PPM1L: variants seen among roughly 807,000 people sequenced by gnomAD.
PPM1L encodes the protein protein phosphatase, Mg2+/Mn2+ dependent 1L, also known as protein phosphatase 1L.
PPM1L carries 13 observed loss-of-function variants against 31.4 expected under a neutral mutation model. That is an observed-to-expected ratio of 0.41 (90% CI 0.27 to 0.66). PPM1L has a LOEUF of 0.66. Among genes scored for constraint, PPM1L ranks in the 30% least tolerant of loss-of-function variants. PPM1L has a pLI of 0.29. For synonymous variants in PPM1L, 184 were observed against 175.4 expected (o/e 1.05, Z -0.39); for missense variants, 326 against 453.7 (o/e 0.72, Z 2.56).
chr3:160,874,820 G>A lies in PPM1L; in HGVS notation c.400-86916G>A, dbSNP rs527821814. On this transcript the variant is annotated intron_variant, in intron 1 of 3. Transcript: ENST00000498165. ...CCCTGAATATGCCATATTAGAGAGA[G>A]CACATGGAAAGACTATATAGAATTA... 1.0e-3 allele frequency among the ~76,000 whole-genome samples: 154 copies of A among 152,292 alleles called. 2 individuals carry two copies. Among genetic ancestry groups the A allele is most frequent in the African/African-American group, 3.5e-3 (146 of 41,570 alleles).
intron 1 of PPM1L, among the ~76,000 whole-genome samples, chr3:160,757,337 G>T (rs1026149739): frequency 1.3e-5 from 2 of 152,276 alleles, no homozygotes; most frequent in African/African-American, 4.8e-5. Flanking sequence ...TAGGATCTCA[G>T]AGCGGGACCT....
At chr3:160,982,993 C>CT (rs971338127) in intron 2 of PPM1L, among the ~76,000 whole-genome samples, 1 of 152,106 alleles carries the variant, frequency 6.6e-6, no homozygotes, top group Admixed American at 6.6e-5. Context: ...TTTCAAATTG[C>CT]TTTTTTGATC....
intron 1 of PPM1L, among the ~76,000 whole-genome samples, chr3:160,901,378 A>G (rs987732409): frequency 2.5e-4 from 38 of 152,140 alleles, no homozygotes; most frequent in Admixed American, 2.4e-3. Flanking sequence ...CCATTCTCTG[A>G]CACAGCAGCC....
intron 2 of PPM1L, among the ~76,000 whole-genome samples, chr3:161,044,797 A>G (rs1430920561): frequency 6.6e-6 from 1 of 152,222 alleles, no homozygotes; most frequent in East Asian, 1.9e-4. Context: ...TAAATGAGCT[A>G]AATGCTCCAA....
At chr3:160,998,438 T>G (rs1717389202) in intron 2 of PPM1L, among the ~76,000 whole-genome samples, 1 of 152,236 alleles carries the variant, frequency 6.6e-6, no homozygotes, top group African/African-American at 2.4e-5. Flanking sequence ...TTATCTGGTG[T>G]GGTTCTTATC....
At chr3:160,763,279 A>T (rs1053115299) in intron 1 of PPM1L, among the ~76,000 whole-genome samples, 1 of 152,140 alleles carries the variant, frequency 6.6e-6, no homozygotes, top group Non-Finnish European at 1.5e-5. Context: ...TTCCGCTGTG[A>T]CTCATGTGGC....
At chr3:160,844,217 G>T (rs890336363) in intron 1 of PPM1L, among the ~76,000 whole-genome samples, 3 of 152,114 alleles carry the variant, frequency 2.0e-5, no homozygotes, top group Admixed American at 2.0e-4. Flanking sequence ...TTACATAAGT[G>T]GACTCTGGTC....
intron 1 of PPM1L, among the ~76,000 whole-genome samples, chr3:160,839,485 G>C (rs1482328741): frequency 6.6e-6 from 1 of 152,030 alleles, no homozygotes; most frequent in Non-Finnish European, 1.5e-5. Flanking sequence ...TTAAAACAAG[G>C]TCATCATTAT....
rs117218755 is a variant in PPM1L, at chr3:160,905,560, A to G, written c.400-56176A>G. On this transcript the variant is annotated intron_variant, in intron 1 of 3. Transcript: ENST00000498165. ...GGACTATCTTTGTTTAATACTTGTA[A>G]TCAGAATCATAATCATAATATACTG... 1.2e-3 allele frequency among the ~76,000 whole-genome samples: 181 copies of G among 152,308 alleles called. 3 individuals are homozygous for G. The East Asian group carries it at 0.034, about 29-fold the overall frequency.
At chr3:160,926,993 C>A (rs932547844) in intron 1 of PPM1L, among the ~76,000 whole-genome samples, 2 of 152,196 alleles carry the variant, frequency 1.3e-5, no homozygotes, top group Non-Finnish European at 2.9e-5. Context: ...TGTATTATTT[C>A]CATTTTGCAG....
chr3:160,949,750 CTAGA>C (rs1715516594), intron 1 of PPM1L, among the ~76,000 whole-genome samples: 2 of 152,234 alleles, frequency 1.3e-5, no homozygotes, highest in South Asian at 4.1e-4. Context: ...AAATAGGTGA[CTAGA>C]TAGAGACACT....
At chr3:160,921,189 G>A (rs1714390333) in intron 1 of PPM1L, among the ~76,000 whole-genome samples, 1 of 152,166 alleles carries the variant, frequency 6.6e-6, no homozygotes, top group African/African-American at 2.4e-5. Context: ...CTGCGTAACT[G>A]TGGAGCCTGC....
At chr3:160,758,546 G>A (rs951426671) in intron 1 of PPM1L, among the ~76,000 whole-genome samples, 4 of 152,182 alleles carry the variant, frequency 2.6e-5, no homozygotes, top group Non-Finnish European at 4.4e-5. Flanking sequence ...TTGTCTGGGT[G>A]TGATGCATTG....
intron 1 of PPM1L, among the ~76,000 whole-genome samples, chr3:160,906,863 C>CA (rs1303952836): frequency 6.6e-6 from 1 of 152,210 alleles, no homozygotes; most frequent in Non-Finnish European, 1.5e-5. Context: ...TTCCTTGCCA[C>CA]ATAAGCTTCC....
chr3:160,847,725 C>T (rs1486396341), intron 1 of PPM1L, among the ~76,000 whole-genome samples: 1 of 152,108 alleles, frequency 6.6e-6, no homozygotes, highest in Admixed American at 6.6e-5. Flanking sequence ...CAACAAATGC[C>T]CAAGCCTTAT....
At chr3:160,984,465 CAATTTGTGCAGTT>C (rs1325527601) in intron 2 of PPM1L, among the ~76,000 whole-genome samples, 3 of 152,270 alleles carry the variant, frequency 2.0e-5, no homozygotes, top group Non-Finnish European at 4.4e-5. Flanking sequence ...GCTCTACAAA[CAATTTGTGCAGTT>C]AACACAATCA....
At chr3:160,786,286 T>TG (rs1406615849) in intron 1 of PPM1L, among the ~76,000 whole-genome samples, 1 of 145,340 alleles carries the variant, frequency 6.9e-6, no homozygotes, top group Non-Finnish European at 1.5e-5. Flanking sequence ...GACATGATCT[T>TG]GGCTCACTGC....
chr3:160,873,473 T>C (rs1191774393), intron 1 of PPM1L, among the ~76,000 whole-genome samples: 1 of 152,194 alleles, frequency 6.6e-6, no homozygotes, highest in Non-Finnish European at 1.5e-5. Context: ...CCATTCTCTG[T>C]GAAGAGAACA....
chr3:160,845,747 C>A (rs1008913366), intron 1 of PPM1L, among the ~76,000 whole-genome samples: 7 of 151,892 alleles, frequency 4.6e-5, no homozygotes, highest in Non-Finnish European at 2.9e-5. Flanking sequence ...TTTAAATCTG[C>A]GATCCATTTA....
Sources: allele counts gnomAD v4.1 joint callset (sites outside exome capture counted in the v4.1 genomes callset), GRCh38; gene constraint gnomAD v4.1.1; transcripts MANE v1.5; gene names NCBI Gene and HGNC (gene_info 2026-07-23, HGNC 2026-07-21).